LRRC4C: variants seen among roughly 807,000 people sequenced by gnomAD.
LRRC4C encodes leucine-rich repeat-containing protein 4C.
In LRRC4C, 5 loss-of-function variants were observed where a neutral mutation model predicts 33.6. That is an observed-to-expected ratio of 0.15 (90% CI 0.08 to 0.31). The LOEUF (loss-of-function observed/expected upper bound fraction) is 0.31. LRRC4C is among the 10% of genes least tolerant of loss of function. The probability of loss-of-function intolerance (pLI) is 1.00; values close to 1 mark genes in which losing one functional copy is unlikely to be tolerated. For synonymous variants in LRRC4C, 329 were observed against 302.0 expected, an observed-to-expected ratio of 1.09 and a Z score of -0.93; for missense variants, 560 against 796.7, an observed-to-expected ratio of 0.70 and a Z score of 3.58.
At chr11:40,465,220 C>G (rs1054294678) in intron 3 of LRRC4C, among the ~76,000 whole-genome samples, 2 of 151,776 alleles carry the variant, frequency 1.3e-5, no homozygotes, top group East Asian at 3.9e-4. Context: ...AAGAAAACCC[C>G]GTTCAATAAA....
chr11:41,284,018 C>G (rs537645464), intron 1 of LRRC4C, among the ~76,000 whole-genome samples: 3 of 152,072 alleles, frequency 2.0e-5, no homozygotes, highest in Non-Finnish European at 4.4e-5. Context: ...TTGATTTGTA[C>G]TGACATAAAA....
chr11:41,262,107 T>A (rs1286574985), intron 1 of LRRC4C, among the ~76,000 whole-genome samples: 1 of 152,098 alleles, frequency 6.6e-6, no homozygotes, highest in Non-Finnish European at 1.5e-5. Flanking sequence ...GAACTCTTAT[T>A]TTTATAACAA....
At chr11:40,259,880 C>A (rs570448806) in intron 4 of LRRC4C, among the ~76,000 whole-genome samples, 2 of 151,820 alleles carry the variant, frequency 1.3e-5, no homozygotes, top group Non-Finnish European at 2.9e-5. Flanking sequence ...GTTAGAATGT[C>A]GATCATTAAA....
At chr11:41,023,770 T>C (rs1036021446) in intron 1 of LRRC4C, among the ~76,000 whole-genome samples, 14 of 151,848 alleles carry the variant, frequency 9.2e-5, no homozygotes, top group African/African-American at 3.1e-4. Context: ...TAATTGCTTA[T>C]GTTGAAAAAT....
intron 4 of LRRC4C, among the ~76,000 whole-genome samples, chr11:40,297,798 G>T (rs1310826404): frequency 6.6e-6 from 1 of 152,054 alleles, no homozygotes; most frequent in Non-Finnish European, 1.5e-5. Context: ...TTATGAAGTA[G>T]GTGCCATTGA....
chr11:40,561,408 CTTTTTTTTTT>C (rs549919738), intron 3 of LRRC4C, among the ~76,000 whole-genome samples: 4 of 100,938 alleles, frequency 4.0e-5, no homozygotes, highest in South Asian at 3.7e-4. Flanking sequence ...CTGAGGATTC[CTTTTTTTTTT>C]TTTTTTTTTT....
At chr11:40,845,939 G>T (rs1681884522) in intron 2 of LRRC4C, among the ~76,000 whole-genome samples, 1 of 151,752 alleles carries the variant, frequency 6.6e-6, no homozygotes. Flanking sequence ...CAGTGATGAT[G>T]AGCTTTTTTT....
At chr11:40,978,852 C>T (rs1852290448) in intron 1 of LRRC4C, among the ~76,000 whole-genome samples, 2 of 151,716 alleles carry the variant, frequency 1.3e-5, no homozygotes, top group Admixed American at 1.3e-4. Flanking sequence ...AGCTAGTTTC[C>T]AACTCCTGAT....
intron 1 of LRRC4C, among the ~76,000 whole-genome samples, chr11:41,321,515 C>T (rs1280945275): frequency 6.6e-6 from 1 of 152,150 alleles, no homozygotes. Context: ...AATTCTATCT[C>T]TCAAATCTGC....
intron 1 of LRRC4C, among the ~76,000 whole-genome samples, chr11:40,991,882 C>T (rs190186958): frequency 2.0e-5 from 3 of 152,220 alleles, no homozygotes; most frequent in Admixed American, 6.5e-5. Context: ...TGCTGCTCAC[C>T]TCCTGCTGTG....
At chr11:40,622,749 A>C (rs1962572975) in intron 3 of LRRC4C, among the ~76,000 whole-genome samples, 1 of 151,774 alleles carries the variant, frequency 6.6e-6, no homozygotes, top group South Asian at 2.1e-4. Context: ...TAAATATGAG[A>C]CTTTGAATGT....
chr11:40,808,672 C>G (rs1202649623), intron 2 of LRRC4C, among the ~76,000 whole-genome samples: 2 of 152,138 alleles, frequency 1.3e-5, no homozygotes, highest in Non-Finnish European at 2.9e-5. Flanking sequence ...AAGGGAGACC[C>G]AGTACCGCCG....
At chr11:40,721,928 G>A (rs1591550165) in intron 2 of LRRC4C, among the ~76,000 whole-genome samples, 1 of 152,158 alleles carries the variant, frequency 6.6e-6, no homozygotes. Flanking sequence ...CTGGGCGACA[G>A]AGCGACACTC....
intron 3 of LRRC4C, among the ~76,000 whole-genome samples, chr11:40,346,123 T>C (rs1241086730): frequency 6.6e-6 from 1 of 152,144 alleles, no homozygotes; most frequent in Non-Finnish European, 1.5e-5. Flanking sequence ...AGTTCAACCA[T>C]TGCAGAAGAC....
At position 40,200,338 on chromosome 11, in the gene LRRC4C, T is replaced by C. The variant is rs552393951; in HGVS notation, c.-96+41181A>G. ...GAGATCGCGCCACTGCACTCCAGCC[T>C]GGGCGACAGAGCGAGACTCCATCTC... On this transcript the variant is annotated intron_variant, in intron 5 of 6. Coordinates refer to ENST00000528697, the MANE Select transcript of LRRC4C (RefSeq NM_001258419.2). 6.6e-5 allele frequency among the ~76,000 whole-genome samples: 10 copies of C among 152,074 alleles called. No homozygotes were observed. The East Asian group carries it at 1.7e-3, about 27-fold the overall frequency.
chr11:41,340,294 T>C (rs1264121627), intron 1 of LRRC4C, among the ~76,000 whole-genome samples: 1 of 152,180 alleles, frequency 6.6e-6, no homozygotes, highest in Non-Finnish European at 1.5e-5. Flanking sequence ...CATTATTAAA[T>C]CTTGAGATTA....
At chr11:40,692,232 T>C (rs191406076) in intron 2 of LRRC4C, among the ~76,000 whole-genome samples, 1 of 151,974 alleles carries the variant, frequency 6.6e-6, no homozygotes, top group Non-Finnish European at 1.5e-5. Context: ...TATTGACCAA[T>C]GACTGGAATA....
chr11:41,431,481 G>A (rs2138424100), intron 1 of LRRC4C, among the ~76,000 whole-genome samples: 1 of 152,076 alleles, frequency 6.6e-6, no homozygotes, highest in South Asian at 2.1e-4. Context: ...TATCCAGAGA[G>A]CTCTGGACAA....
At chr11:41,119,051 C>T (rs998196134) in intron 1 of LRRC4C, among the ~76,000 whole-genome samples, 1 of 151,856 alleles carries the variant, frequency 6.6e-6, no homozygotes, top group African/African-American at 2.4e-5. Flanking sequence ...TAAAGGGTAC[C>T]ATGCTTTAAC....
Sources: gnomAD v4.1 joint callset for allele counts (sites outside exome capture counted in the v4.1 genomes callset) on GRCh38, gnomAD v4.1.1 for gene constraint, MANE v1.5 for transcripts, NCBI Gene and HGNC (gene_info 2026-07-23, HGNC 2026-07-21) for gene names.